THOC1: variants seen among roughly 807,000 people sequenced by gnomAD.
The protein encoded by THOC1 is THO complex 1.
THOC1 carries 29 observed loss-of-function variants against 97.3 expected under a neutral mutation model. The ratio of observed to expected loss-of-function variants is 0.30; its 90% CI spans 0.22 to 0.41. The LOEUF (loss-of-function observed/expected upper bound fraction) is 0.41, where lower values mean the gene tolerates loss of function less well. Among genes scored for constraint, THOC1 ranks in the 10% least tolerant of loss-of-function variants. The pLI is 1.00. For synonymous variants in THOC1, 255 were observed against 257.0 expected (o/e 0.99, Z 0.07); for missense variants, 529 against 761.9 (o/e 0.69, Z 3.60).
intron 11 of THOC1, among the ~76,000 whole-genome samples, chr18:237,630 A>G (rs530696188): frequency 2.1e-4 from 32 of 152,342 alleles, no homozygotes; most frequent in Non-Finnish European, 3.8e-4. Flanking sequence ...CAGGTTCCAC[A>G]GTTAGTATGT....
chr18:254,015 A>G lies in THOC1; in HGVS notation c.603+258T>C, dbSNP rs952583601. Among the ~76,000 whole-genome samples, 13 of 150,244 alleles carry G rather than the reference A, an allele frequency of 8.7e-5. No homozygotes were observed. The highest frequency in any genetic ancestry group is 3.5e-3 in the Middle Eastern group (1 of 284). On this transcript the variant is annotated intron_variant, in intron 8 of 20. Transcript: ENST00000261600. The surrounding 1 kb of genome is among the most constrained non-coding windows in gnomAD (Gnocchi z 4.1). The stretch of plus-strand genomic sequence containing the variant: ...AGCTTGACCTCCCTGGGCTGAGGCG[A>G]TTCTCCCACCTCAGCCTCTCGAGTA...
In THOC1 at chr18:265,308, C is replaced by T. The variant is rs1233408716; in HGVS notation, c.184G>A (p.Glu62Lys). 5.7e-6 allele frequency: 9 copies of T among 1,587,484 alleles called. No individual in the cohort carries two copies. The East Asian group carries it at 9.0e-5, about 16-fold the overall frequency. The change falls in exon 3 of 21, where the codon GAA becomes AAA. Residue 62 changes from glutamate to lysine, a missense_variant. Physicochemically the swap from Glu to Lys is moderately conservative, Grantham distance 56. Around this residue, in one of 8 missense-constraint regions of THOC1, gnomAD observed 114 missense variants for 97.4 expected, o/e 1.17. Coordinates refer to ENST00000261600, the MANE Select transcript of THOC1 (RefSeq NM_005131.3). ...CAATGGAAAAACATACTTACAATTT[C>T]TTCTTCTAGAATACCTCTGAAAGCT... ...DQAFRGILEE[E>K]IINHSSCENV...
chr18:248,275 G>C (rs1161030239), intron 9 of THOC1, among the ~76,000 whole-genome samples: 3 of 152,166 alleles, frequency 2.0e-5, no homozygotes, highest in African/African-American at 7.2e-5. Context: ...AATCAGTTGA[G>C]AGCGGAAGTC....
At chr18:223,734 T>C (rs182019217) in intron 16 of THOC1, among the ~76,000 whole-genome samples, 101 of 152,332 alleles carry the variant, frequency 6.6e-4, no homozygotes, top group African/African-American at 2.4e-3. Flanking sequence ...TTTAGTTTTT[T>C]CTAAAAATAT....
intron 10 of THOC1, among the ~76,000 whole-genome samples, chr18:247,031 C>A (rs1175687628): frequency 6.6e-6 from 1 of 151,610 alleles, no homozygotes; most frequent in African/African-American, 2.4e-5. Flanking sequence ...AATTGTTTAA[C>A]CACCTGTGGA....
In THOC1 at chr18:263,174, G is replaced by A. The variant is rs190789585; in HGVS notation, c.256+852C>T. Among the ~76,000 whole-genome samples the A allele has an allele frequency of 5.5e-3, 831 of 152,150 alleles. 8 individuals carry two copies. Among genetic ancestry groups the A allele is most frequent in the African/African-American group, 0.018 (749 of 41,512 alleles). ...CAGCTCACTGCAAGCTCCGCCTCCC[G>A]GGTTCACACCATTCTCCTGCCTCGG... On this transcript the variant is annotated intron_variant, in intron 4 of 20. Coordinates refer to ENST00000261600, the MANE Select transcript of THOC1 (RefSeq NM_005131.3).
At chr18:261,099 A>G (rs1324269314) in intron 4 of THOC1, 10 of 152,204 alleles carry the variant, frequency 6.6e-5, no homozygotes, top group Non-Finnish European at 1.3e-4. Flanking sequence ...AACATTTAAA[A>G]TAACAGTATT....
chr18:252,535 TCAC>T lies in THOC1; in HGVS notation c.677+1_677+3del. ...ATCAAAAAGCTTAGGCTCTGAAAAC[TCAC>T]CACGTTGTTGGAGCTTCCTCGTCTC... is the stretch of plus-strand genomic sequence containing the variant. On this transcript the variant is annotated splice_donor_variant and splice_donor_region_variant and intron_variant, in intron 9 of 20. Transcript: ENST00000261600. LOFTEE classifies it high-confidence loss of function. The T allele has an allele frequency of 6.2e-7, 1 of 1,610,496 alleles. No individual in the cohort carries two copies. The highest frequency in any genetic ancestry group is 8.5e-7 in the Non-Finnish European group (1 of 1,177,272).
chr18:228,636 C>T (rs557991262), intron 11 of THOC1, among the ~76,000 whole-genome samples: 8 of 152,274 alleles, frequency 5.3e-5, no homozygotes, highest in Admixed American at 1.3e-4. Flanking sequence ...TTAATCTCTT[C>T]GGCCATTTTC....
At chr18:221,774 A>G (rs1041994255) in intron 17 of THOC1, among the ~76,000 whole-genome samples, 1 of 152,006 alleles carries the variant, frequency 6.6e-6, no homozygotes, top group Non-Finnish European at 1.5e-5. Context: ...ACACTTGGCT[A>G]ATTTTTTGTA....
rs545569760 is a variant in THOC1 at position 237,226 on chromosome 18, C to T, written c.918+9098G>A. On this transcript the variant is annotated intron_variant, in intron 11 of 20. Coordinates refer to ENST00000261600, the MANE Select transcript of THOC1 (RefSeq NM_005131.3). The stretch of plus-strand genomic sequence containing the variant: ...CCAGGCTGGAGTGCAGTGGCACAAT[C>T]GTGGCTTACTACAACCTCTGCCTCC... Among the ~76,000 whole-genome samples the T allele has an allele frequency of 1.4e-3, 210 of 147,838 alleles. 1 individual carries two copies. Among genetic ancestry groups the T allele is most frequent in the Non-Finnish European group, 2.5e-3 (170 of 67,654 alleles).
intron 11 of THOC1, among the ~76,000 whole-genome samples, chr18:227,737 C>T (rs913529974): frequency 2.0e-5 from 3 of 152,214 alleles, no homozygotes; most frequent in South Asian, 2.1e-4. Context: ...CTAGTTCTGC[C>T]TTCAAAAACT....
intron 11 of THOC1, among the ~76,000 whole-genome samples, chr18:235,463 ATAT>A (rs1911648348): frequency 1.3e-5 from 2 of 152,110 alleles, no homozygotes; most frequent in Non-Finnish European, 2.9e-5. Flanking sequence ...CCATTAATGC[ATAT>A]GAAGCTTTAA....
intron 4 of THOC1, chr18:263,649 T>C (rs1258416475): frequency 6.1e-6 from 1 of 163,080 alleles, no homozygotes; most frequent in African/African-American, 2.4e-5. Flanking sequence ...TCGACCATAG[T>C]ACTTACACCA....
chr18:216,366 T>G, intron 19 of THOC1, 120 bp downstream of exon 19: 1 of 1,084,000 alleles, frequency 9.2e-7, no homozygotes, highest in Non-Finnish European at 1.3e-6. Context: ...TTCTAAAACA[T>G]GGGAGCTTGT....
At position 259,284 on chromosome 18, in the gene THOC1, A is replaced by G. The variant is rs557412663; in HGVS notation, c.425-9T>C. 1.9e-6 allele frequency: 3 copies of G among 1,585,860 alleles called. No homozygotes were observed. The highest frequency in any genetic ancestry group is 2.7e-5 in the African/African-American group (2 of 73,842). On this transcript the variant is annotated splice_polypyrimidine_tract_variant and intron_variant, in intron 6 of 20. Coordinates refer to ENST00000261600, the MANE Select transcript of THOC1 (RefSeq NM_005131.3). ...CAATCTTCTTAGGAGATCTAACAAT[A>G]TATGAAAATGAACGTTACACAGAAA...
chr18:216,425 G>T, intron 19 of THOC1, 61 bp downstream of exon 19: 1 of 1,557,270 alleles, frequency 6.4e-7, no homozygotes, highest in South Asian at 1.2e-5. Context: ...CTCACATAGT[G>T]ACAGCAATTT....
chr18:254,223 A>G lies in THOC1; in HGVS notation c.603+50T>C, dbSNP rs1465712075. On this transcript the variant is annotated intron_variant, in intron 8 of 20. Transcript: ENST00000261600. This position sits in a 1 kb window ranked among gnomAD's most constrained non-coding sequence, Gnocchi z 4.1. Reference sequence around the variant, plus strand: ...CACTGTGCCTGGACCCACTATCTTAATAACAAACTTGCAAATATGTTATCT... The same window carrying G: ...CACTGTGCCTGGACCCACTATCTTAGTAACAAACTTGCAAATATGTTATCT... 2 of 1,331,886 alleles carry G rather than the reference A, an allele frequency of 1.5e-6. No individual in the cohort carries two copies. Among genetic ancestry groups the G allele is most frequent in the African/African-American group, 1.5e-5 (1 of 68,744 alleles). 82.5% of individuals were successfully genotyped at this position (1,331,886 alleles called of 1,614,324 possible).
intron 11 of THOC1, among the ~76,000 whole-genome samples, chr18:234,533 TC>T (rs1319804618): frequency 6.6e-6 from 1 of 152,122 alleles, no homozygotes; most frequent in Non-Finnish European, 1.5e-5. Flanking sequence ...ATCTTAAAAA[TC>T]TTTAATCTGT....
Sources: allele counts gnomAD v4.1 joint callset (sites outside exome capture counted in the v4.1 genomes callset), GRCh38; gene constraint gnomAD v4.1.1; regional missense constraint gnomAD v4.1.1; non-coding constraint Gnocchi (gnomAD v3.1); transcripts MANE v1.5; gene names NCBI Gene and HGNC (gene_info 2026-07-23, HGNC 2026-07-21).